POMC: variants seen among roughly 807,000 people sequenced by gnomAD.
POMC encodes proopiomelanocortin, also known as pro-opiomelanocortin.
A neutral mutation model predicts 18.5 loss-of-function variants in POMC; 19 were observed. The ratio of observed to expected loss-of-function variants is 1.03; its 90% confidence interval spans 0.72 to 1.51. The LOEUF (loss-of-function observed/expected upper bound fraction) is 1.51, where lower values mean the gene tolerates loss of function less well. POMC is among the 40% of genes most tolerant of loss of function. POMC has a pLI of 0.00. For synonymous variants in POMC, 179 were observed against 161.9 expected (o/e 1.11, Z -0.80); for missense variants, 451 against 379.0 (o/e 1.19, Z -1.58).
chr2:25,164,773 C>A lies in POMC; in HGVS notation c.-1G>T. ...AGCGGCTGCAGCACGATCTCGGCAT[C>A]TTCCAGGCAGGCTGAGGCTCTGCAG... On this transcript the variant is annotated 5_prime_UTR_variant, in exon 2 of 3. Transcript: ENST00000395826. 3 of 1,613,702 alleles carry A rather than the reference C, an allele frequency of 1.9e-6. No homozygotes were observed. The highest frequency in any genetic ancestry group is 2.5e-6 in the Non-Finnish European group (3 of 1,180,028).
chr2:25,163,787 C>G (rs1362816989), intron 2 of POMC, among the ~76,000 whole-genome samples: 1 of 152,182 alleles, frequency 6.6e-6, no homozygotes, highest in Non-Finnish European at 1.5e-5. Flanking sequence ...CCACATCTGG[C>G]TAACTTTTTT....
At chr2:25,162,133 G>A (rs932880570) in intron 2 of POMC, among the ~76,000 whole-genome samples, 2 of 152,158 alleles carry the variant, frequency 1.3e-5, no homozygotes, top group Non-Finnish European at 2.9e-5. Context: ...AAAGGCAGAC[G>A]GGTGGTAGTT....
rs997127710 is a variant in POMC at position 25,168,102 on chromosome 2, A to G, written c.-21+396T>C. ...CCGGGAGGCGAAGGTTGCGGTGAGC[A>G]GAGATCACCCCTTTGCTCTCCAGCA... On this transcript the variant is annotated intron_variant, in intron 1 of 2. Coordinates refer to ENST00000395826, the MANE Select transcript of POMC (RefSeq NM_000939.4). This position sits in a 1 kb window ranked among gnomAD's most constrained non-coding sequence, Gnocchi z 5.2. 7.9e-5 allele frequency among the ~76,000 whole-genome samples: 12 copies of G among 151,404 alleles called. No homozygotes were observed. The highest frequency in any genetic ancestry group is 1.5e-4 in the Non-Finnish European group (10 of 67,886).
At chr2:25,162,482 G>T (rs1573252181) in intron 2 of POMC, among the ~76,000 whole-genome samples, 2 of 151,738 alleles carry the variant, frequency 1.3e-5, no homozygotes, top group East Asian at 1.9e-4. Flanking sequence ...TAAATAAAAA[G>T]AATATTGAAT....
rs150572792 is a variant in POMC at position 25,163,139 on chromosome 2, A to T, written c.133-1387T>A. Among the ~76,000 whole-genome samples the T allele has an allele frequency of 7.5e-3, 1,146 of 152,170 alleles. 4 individuals are homozygous for T. Among genetic ancestry groups the T allele is most frequent in the Middle Eastern group, 0.017 (5 of 294 alleles). The stretch of plus-strand genomic sequence containing the variant: ...AGGAGAAAATAAAAGGATCCTACCC[A>T]CTCTGTTGAGCTGGACATTGCCTAC... On this transcript the variant is annotated intron_variant, in intron 2 of 2. Transcript: ENST00000395826.
Position 25,163,761 on chromosome 2 carries a change from C to T in POMC, c.132+880G>A, listed in dbSNP as rs145439272. Among the ~76,000 whole-genome samples the T allele has an allele frequency of 3.5e-3, 530 of 152,306 alleles. 1 individual carries two copies. The highest frequency in any genetic ancestry group is 0.012 in the African/African-American group (499 of 41,554). On this transcript the variant is annotated intron_variant, in intron 2 of 2. Transcript: ENST00000395826. ...AAGTGAACCTCCCAAGTAGCTAGGA[C>T]TACAGGCACATGCCACCACATCTGG... is the stretch of plus-strand genomic sequence containing the variant.
At chr2:25,167,516 C>T (rs1488914678) in intron 1 of POMC, among the ~76,000 whole-genome samples, 1 of 152,122 alleles carries the variant, frequency 6.6e-6, no homozygotes, top group Admixed American at 6.5e-5. Context: ...TGAGGGCATC[C>T]GAAACTAGAC....
At position 25,168,154 on chromosome 2, in the gene POMC, C is replaced by CAA. The variant is rs376657620; in HGVS notation, c.-21+342_-21+343dup. On this transcript the variant is annotated intron_variant, in intron 1 of 2. Coordinates refer to ENST00000395826, the MANE Select transcript of POMC (RefSeq NM_000939.4). The surrounding 1 kb of genome is among the most constrained non-coding windows in gnomAD (Gnocchi z 5.2). ...GGGCAACAAGAGCGAAACTCCGTCT[C>CAA]AAAAAAAAAAAAAAAGACCGGGTTG... 4.6e-4 allele frequency among the ~76,000 whole-genome samples: 57 copies of CAA among 125,060 alleles called. 2 individuals carry two copies. Among genetic ancestry groups the CAA allele is most frequent in the South Asian group, 5.7e-4 (2 of 3,498 alleles). 82.0% of individuals were successfully genotyped at this position (125,060 alleles called of 152,430 possible).
At position 25,168,154 on chromosome 2, in the gene POMC, CAAA is replaced by C. The variant is rs376657620; in HGVS notation, c.-21+341_-21+343del. On this transcript the variant is annotated intron_variant, in intron 1 of 2. Coordinates refer to ENST00000395826, the MANE Select transcript of POMC (RefSeq NM_000939.4). The surrounding 1 kb of genome is among the most constrained non-coding windows in gnomAD (Gnocchi z 5.2). ...GGGCAACAAGAGCGAAACTCCGTCT[CAAA>C]AAAAAAAAAAAAGACCGGGTTGTCC... 1.6e-5 allele frequency among the ~76,000 whole-genome samples: 2 copies of C among 125,002 alleles called. No homozygotes were observed. Among genetic ancestry groups the C allele is most frequent in the Non-Finnish European group, 1.7e-5 (1 of 58,546 alleles). The allele number at this position is 125,002 out of a possible 152,430, so 82.0% of individuals were successfully genotyped here. A position where few individuals can be genotyped will look rare whatever the true frequency, so the allele number is the denominator to read the frequency against.
At position 25,168,398 on chromosome 2, in the gene POMC, C is replaced by T. The variant is rs1386261773; in HGVS notation, c.-21+100G>A. ...CGGGACCGCGGAGAGCCAGAGGCGCCCAGGTCCGCCTTCGGAGCCGGAGCC... is the reference window on the plus strand; with the variant it reads ...CGGGACCGCGGAGAGCCAGAGGCGCTCAGGTCCGCCTTCGGAGCCGGAGCC... On this transcript the variant is annotated intron_variant, in intron 1 of 2. Coordinates refer to ENST00000395826, the MANE Select transcript of POMC (RefSeq NM_000939.4). This position sits in a 1 kb window ranked among gnomAD's most constrained non-coding sequence, Gnocchi z 5.2. 3.9e-5 allele frequency: 6 copies of T among 152,274 alleles called. No individual in the cohort carries two copies. The highest frequency in any genetic ancestry group is 1.4e-4 in the African/African-American group (6 of 41,450). 9.4% of individuals were successfully genotyped at this position (152,274 alleles called of 1,614,324 possible). A position where few individuals can be genotyped will look rare whatever the true frequency, so the allele number is the denominator to read the frequency against.
Position 25,161,136 on chromosome 2 carries a change from A to C in POMC, c.749T>G (p.Leu250Arg). Residue 250 changes from leucine (L) to arginine (R), a missense_variant, in exon 3 of 3, where the codon CTG becomes CGG. By Grantham distance (102) the Leu-to-Arg change is moderately radical. Transcript: ENST00000395826. The surrounding 1 kb of genome is among the most constrained non-coding windows in gnomAD (Gnocchi z 5.7). ...FMTSEKSQTP[L>R]VTLFKNAIIK... ...GATGGCGTTTTTGAACAGCGTCACC[A>C]GGGGCGTCTGGCTCTTCTCGGAGGT... 6.2e-7 allele frequency: 1 copy of C among 1,608,254 alleles called. No individual in the cohort carries two copies. Among genetic ancestry groups the C allele is most frequent in the Non-Finnish European group, 8.5e-7 (1 of 1,178,910 alleles).
rs777374555 is a variant in POMC, at chr2:25,161,355, T to C, written c.530A>G (p.Lys177Arg). 1 of 1,606,494 alleles carries C rather than the reference T, an allele frequency of 6.2e-7. No individual in the cohort carries two copies. Among genetic ancestry groups the C allele is most frequent in the Non-Finnish European group, 8.5e-7 (1 of 1,176,826 alleles). Reference sequence around the variant, plus strand: ...GAGTCGCTGGCCAGTCAGCTCCCTCTTGAACTCCAGGGGGAAGGCCTCGGC... The same window carrying C: ...GAGTCGCTGGCCAGTCAGCTCCCTCCTGAACTCCAGGGGGAAGGCCTCGGC... ...ESAEAFPLEF[K>R]RELTGQRLRE... The change falls in exon 3 of 3, where the codon AAG becomes AGG. Residue 177 changes from lysine (K) to arginine (R), a missense_variant. Coordinates refer to ENST00000395826, the MANE Select transcript of POMC (RefSeq NM_000939.4). This position sits in a 1 kb window ranked among gnomAD's most constrained non-coding sequence, Gnocchi z 5.7.
chr2:25,161,143 T>C lies in POMC; in HGVS notation c.742A>G (p.Thr248Ala), dbSNP rs762912387. The stretch of plus-strand genomic sequence containing the variant: ...TTTTTGAACAGCGTCACCAGGGGCG[T>C]CTGGCTCTTCTCGGAGGTCATGAAA... ...GGFMTSEKSQ[T>A]PLVTLFKNAI... The change falls in exon 3 of 3, where the codon ACG becomes GCG. Residue 248 changes from threonine (T) to alanine (A), a missense_variant. Transcript: ENST00000395826. The surrounding 1 kb of genome is among the most constrained non-coding windows in gnomAD (Gnocchi z 5.7). The C allele has an allele frequency of 2.5e-6, 4 of 1,613,606 alleles. No homozygotes were observed. The highest frequency in any genetic ancestry group is 1.7e-5 in the Admixed American group (1 of 59,954).
In POMC at chr2:25,161,521, C is replaced by G; in HGVS notation, c.364G>C (p.Glu122Gln). 1 of 1,590,816 alleles carries G rather than the reference C, an allele frequency of 6.3e-7. No homozygotes were observed. The highest frequency in any genetic ancestry group is 8.6e-7 in the Non-Finnish European group (1 of 1,169,200). Residue 122 changes from glutamate (E) to glutamine (Q), a missense_variant, in exon 3 of 3, where the codon GAG (glutamate) becomes CAG (glutamine). Physicochemically the swap from Glu to Gln is conservative, Grantham distance 29. Transcript: ENST00000395826. The surrounding 1 kb of genome is among the most constrained non-coding windows in gnomAD (Gnocchi z 5.7). Reference sequence around the variant, plus strand: ...GGCTTGGCACCATCGCTGCGGGGCTCGGGGCCGCCCTCAGGCAGCGGGCCG... The same window carrying G: ...GGCTTGGCACCATCGCTGCGGGGCTGGGGGCCGCCCTCAGGCAGCGGGCCG... ...DCGPLPEGGP[E>Q]PRSDGAKPGP...
Position 25,164,695 on chromosome 2 carries a change from G to A in POMC, c.78C>T (p.Gly26=). 6.2e-7 allele frequency: 1 copy of A among 1,614,196 alleles called. No homozygotes were observed. The highest frequency in any genetic ancestry group is 8.5e-7 in the Non-Finnish European group (1 of 1,180,036). ...GACACTGGCTGCTCTCCAGGCACCA[G>A]CCACGCACTTCCATGGAGGCCTGAA... is the stretch of plus-strand genomic sequence containing the variant. ...LLLQASMEVR[G]WCLESSQCQD... is the part of the protein sequence containing the mutation. The change falls in exon 2 of 3, where the codon GGC becomes GGT. Residue 26 remains glycine, a synonymous_variant. Coordinates refer to ENST00000395826, the MANE Select transcript of POMC (RefSeq NM_000939.4).
Position 25,168,153 on chromosome 2 carries a change from T to TAAAA in POMC, c.-21+344_-21+345insTTTT, listed in dbSNP as rs1671620454. Among the ~76,000 whole-genome samples, 1 of 98,450 alleles carries TAAAA rather than the reference T, an allele frequency of 1.0e-5. No individual in the cohort carries two copies. Among genetic ancestry groups the TAAAA allele is most frequent in the African/African-American group, 3.8e-5 (1 of 26,400 alleles). The allele number at this position is 98,450 out of a possible 152,430, so 64.6% of individuals were successfully genotyped here. On this transcript the variant is annotated intron_variant, in intron 1 of 2. Transcript: ENST00000395826. The surrounding 1 kb of genome is among the most constrained non-coding windows in gnomAD (Gnocchi z 5.2). ...TGGGCAACAAGAGCGAAACTCCGTCTCAAAAAAAAAAAAAAAGACCGGGTT... is the reference window on the plus strand; with the variant it reads ...TGGGCAACAAGAGCGAAACTCCGTCTAAAACAAAAAAAAAAAAAAAGACCGGGTT...
Position 25,161,043 on chromosome 2 carries a change from C to G in POMC, c.*38G>C, listed in dbSNP as rs777864549. Reference sequence around the variant, plus strand: ...GAGAGCAAGGGGCTTTGGGGTCGACCTCCTGGGGGAGGGTAGCCCTGGGGC... The same window carrying G: ...GAGAGCAAGGGGCTTTGGGGTCGACGTCCTGGGGGAGGGTAGCCCTGGGGC... On this transcript the variant is annotated 3_prime_UTR_variant, in exon 3 of 3. Coordinates refer to ENST00000395826, the MANE Select transcript of POMC (RefSeq NM_000939.4). This position sits in a 1 kb window ranked among gnomAD's most constrained non-coding sequence, Gnocchi z 5.7. 1.2e-6 allele frequency: 2 copies of G among 1,613,404 alleles called. No individual in the cohort carries two copies. Among genetic ancestry groups the G allele is most frequent in the Non-Finnish European group, 1.7e-6 (2 of 1,179,890 alleles).
chr2:25,167,194 C>T (rs1477059432), intron 1 of POMC, among the ~76,000 whole-genome samples: 4 of 152,156 alleles, frequency 2.6e-5, no homozygotes, highest in Non-Finnish European at 5.9e-5. Context: ...GACATACATG[C>T]ATCGAGTCCT....
Position 25,162,607 on chromosome 2 carries a change from T to A in POMC, c.133-855A>T, listed in dbSNP as rs1014508496. Reference sequence around the variant, plus strand: ...GGGCCCATATTTTTAAACATATTTTTAATAATGCCTCAACCTGTGTGAACC... The same window carrying A: ...GGGCCCATATTTTTAAACATATTTTAAATAATGCCTCAACCTGTGTGAACC... On this transcript the variant is annotated intron_variant, in intron 2 of 2. Transcript: ENST00000395826. Among the ~76,000 whole-genome samples, 114 of 151,938 alleles carry A rather than the reference T, an allele frequency of 7.5e-4. 2 individuals are homozygous for A. The highest frequency in any genetic ancestry group is 2.0e-4 in the Admixed American group (3 of 15,266).
Sources: gnomAD v4.1 joint callset for allele counts (sites outside exome capture counted in the v4.1 genomes callset) on GRCh38, gnomAD v4.1.1 for gene constraint, Gnocchi (gnomAD v3.1) non-coding constraint, MANE v1.5 for transcripts, NCBI Gene and HGNC (gene_info 2026-07-23, HGNC 2026-07-21) for gene names.